ALPK1: variants seen among roughly 807,000 people sequenced by gnomAD.
ALPK1 encodes the protein alpha kinase 1.
ALPK1 carries 110 observed loss-of-function variants against 120.6 expected under a neutral mutation model. That is an observed-to-expected ratio of 0.91 (90% confidence interval 0.78 to 1.07). The LOEUF (loss-of-function observed/expected upper bound fraction) is 1.07. Ranked by LOEUF, ALPK1 falls within the 50% of genes least tolerant of loss-of-function variation. The probability of loss-of-function intolerance (pLI) is 0.00; values close to 1 mark genes in which losing one functional copy is unlikely to be tolerated. For missense variants in ALPK1, 1,498 were observed against 1,483.9 expected (o/e 1.01, Z -0.16); for synonymous variants, 582 against 560.3 (o/e 1.04, Z -0.55).
intron 4 of ALPK1, among the ~76,000 whole-genome samples, chr4:112,407,916 A>C (rs1359871114): frequency 6.6e-6 from 1 of 152,022 alleles, no homozygotes; most frequent in African/African-American, 2.4e-5. Flanking sequence ...GACTAGCCTG[A>C]CCAACATAGT....
Position 112,441,343 on chromosome 4 carries a change from C to G in ALPK1, c.*133C>G. Reference sequence around the variant, plus strand: ...ATTGGCAGCACAAGATCCTGCAGAGCCTCTTTCCCTCTGCCACAGTTATCA... The same window carrying G: ...ATTGGCAGCACAAGATCCTGCAGAGGCTCTTTCCCTCTGCCACAGTTATCA... On this transcript the variant is annotated 3_prime_UTR_variant, in exon 16 of 16. Coordinates refer to ENST00000650871, the MANE Select transcript of ALPK1 (RefSeq NM_025144.4). 1.3e-6 allele frequency: 1 copy of G among 767,598 alleles called. No homozygotes were observed. The highest frequency in any genetic ancestry group is 2.4e-6 in the Non-Finnish European group (1 of 419,996). 47.5% of individuals were successfully genotyped at this position (767,598 alleles called of 1,614,324 possible).
chr4:112,306,010 G>A (rs546085551), intron 1 of ALPK1, among the ~76,000 whole-genome samples: 1 of 152,188 alleles, frequency 6.6e-6, no homozygotes, highest in South Asian at 2.1e-4. Flanking sequence ...AGATAATCAT[G>A]TGGTTTTTGT....
intron 4 of ALPK1, among the ~76,000 whole-genome samples, chr4:112,401,331 A>C (rs1342265829): frequency 6.6e-6 from 1 of 152,210 alleles, no homozygotes; most frequent in Non-Finnish European, 1.5e-5. Context: ...AGGGTCAGTG[A>C]ATTGTATGGG....
intron 10 of ALPK1, 45 bp downstream of exon 10, chr4:112,429,298 CA>C: frequency 6.7e-7 from 1 of 1,482,630 alleles, no homozygotes; most frequent in South Asian, 1.2e-5. Context: ...GGACCTCTCC[CA>C]GGGTGCTTTC....
chr4:112,413,553 A>G (rs964597990), intron 5 of ALPK1, among the ~76,000 whole-genome samples: 1 of 152,034 alleles, frequency 6.6e-6, no homozygotes. Flanking sequence ...TAAGTAGCTG[A>G]GACTTTAGGC....
At chr4:112,380,289 G>GTGAAATTAT (rs1731842168) in intron 3 of ALPK1, among the ~76,000 whole-genome samples, 1 of 152,154 alleles carries the variant, frequency 6.6e-6, no homozygotes, top group Non-Finnish European at 1.5e-5. Context: ...GCTGTAAGAG[G>GTGAAATTAT]GTCAGGTTTT....
chr4:112,356,568 C>A (rs2148713948), intron 2 of ALPK1: 2 of 803,526 alleles, frequency 2.5e-6, no homozygotes. Flanking sequence ...GCTGTGCATC[C>A]ACCCTGAGGT....
At chr4:112,414,517 A>G in intron 5 of ALPK1, 4 of 311,136 alleles carry the variant, frequency 1.3e-5, no homozygotes, top group Non-Finnish European at 2.7e-5. Flanking sequence ...CTGAGGCAGG[A>G]GAATCACTTG....
intron 1 of ALPK1, among the ~76,000 whole-genome samples, chr4:112,301,051 A>T (rs937880603): frequency 2.6e-5 from 4 of 152,120 alleles, no homozygotes; most frequent in Non-Finnish European, 5.9e-5. Context: ...CAAAAAAAAA[A>T]TTTAGAACCT....
rs1445307828 is a variant in ALPK1, at chr4:112,412,025, G to A, written c.475G>A (p.Gly159Arg). The A allele has an allele frequency of 1.2e-6, 2 of 1,613,784 alleles. No homozygotes were observed. The highest frequency in any genetic ancestry group is 2.7e-5 in the African/African-American group (2 of 74,936). Residue 159 changes from glycine to arginine, a missense_variant and splice_region_variant, in exon 5 of 16, where the codon GGA becomes AGA. Transcript: ENST00000650871. ...IRQARISVNS[G>R]KLLKAEYILS... ...CCAAGCCCGAATCTCCGTGAACTCA[G>A]GTATGCTCCCTCCTGCTGGCCGCCC...
chr4:112,383,210 C>CTTTTT (rs1560663502), intron 4 of ALPK1: 7 of 151,938 alleles, frequency 4.6e-5, no homozygotes, highest in Admixed American at 3.9e-4. Flanking sequence ...ATAGGGAGAA[C>CTTTTT]CGTTTTCCTT....
Position 112,394,658 on chromosome 4 carries a change from C to T in ALPK1, c.276+12106C>T, listed in dbSNP as rs554797731. Among the ~76,000 whole-genome samples, 15 of 152,306 alleles carry T rather than the reference C, an allele frequency of 9.8e-5. No individual in the cohort carries two copies. In the South Asian group the frequency reaches 2.3e-3, roughly 23 times the overall value. On this transcript the variant is annotated intron_variant, in intron 4 of 15. Coordinates refer to ENST00000650871, the MANE Select transcript of ALPK1 (RefSeq NM_025144.4). ...AATGGAAGATAAATTAAAATGGTGG[C>T]TTGTCCTTAAAATTCTACCAAGAAA...
chr4:112,401,826 A>G (rs1197053003), intron 4 of ALPK1, among the ~76,000 whole-genome samples: 1 of 152,250 alleles, frequency 6.6e-6, no homozygotes, highest in Non-Finnish European at 1.5e-5. Context: ...AGATATTAAG[A>G]TAGAGAAAAA....
chr4:112,366,060 G>T (rs1254134255), intron 2 of ALPK1, among the ~76,000 whole-genome samples: 5 of 152,124 alleles, frequency 3.3e-5, no homozygotes, highest in Non-Finnish European at 7.4e-5. Context: ...ATCAACTCAA[G>T]ATGGATTAAA....
Position 112,440,953 on chromosome 4 carries a change from T to A in ALPK1, c.3575T>A (p.Leu1192His), listed in dbSNP as rs1017539426. Residue 1192 changes from leucine (L) to histidine (H), a missense_variant, in exon 15 of 16, where the codon CTC becomes CAC. Physicochemically the swap from Leu to His is moderately conservative, Grantham distance 99 (BLOSUM62 -3). Transcript: ENST00000650871. ...GGTAATGGAAAAGGACTCATCTACC[T>A]CACAGATCCCCAGATTCACTCCGTT... ...VTGNGKGLIY[L>H]TDPQIHSVDQ... 5.0e-6 allele frequency: 8 copies of A among 1,613,676 alleles called. No homozygotes were observed. The African/African-American group carries it at 5.3e-5, about 11-fold the overall frequency.
At chr4:112,422,059 A>G (rs13120529) in intron 5 of ALPK1, among the ~76,000 whole-genome samples, 1 of 152,186 alleles carries the variant, frequency 6.6e-6, no homozygotes, top group Non-Finnish European at 1.5e-5. Flanking sequence ...TGATCTGATC[A>G]TGGAGAGGTC....
intron 2 of ALPK1, among the ~76,000 whole-genome samples, chr4:112,341,438 A>G (rs1334486627): frequency 6.6e-6 from 1 of 152,182 alleles, no homozygotes; most frequent in Non-Finnish European, 1.5e-5. Context: ...CTTAACTTCC[A>G]TTTTATTTGA....
chr4:112,386,073 A>G (rs951611267), intron 4 of ALPK1, among the ~76,000 whole-genome samples: 2 of 152,240 alleles, frequency 1.3e-5, no homozygotes, highest in Non-Finnish European at 2.9e-5. Context: ...TCCACAGTTC[A>G]TGAGTTGGTA....
intron 2 of ALPK1, among the ~76,000 whole-genome samples, chr4:112,325,701 G>A (rs991303496): frequency 6.6e-6 from 1 of 152,166 alleles, no homozygotes. Context: ...GTCTTCATGA[G>A]CCACTGCTGT....
Sources: gnomAD v4.1 joint callset for allele counts (sites outside exome capture counted in the v4.1 genomes callset) on GRCh38, gnomAD v4.1.1 for gene constraint, MANE v1.5 for transcripts, NCBI Gene and HGNC (gene_info 2026-07-23, HGNC 2026-07-21) for gene names.